The following ZNF605 variants were observed in gnomAD, a reference collection of about 807,000 sequenced individuals.
ZNF605 encodes zinc finger protein 605.
A neutral mutation model predicts 7.9 loss-of-function variants in ZNF605; 9 were observed. The observed-to-expected ratio is 1.14, with a 90% CI of 0.68 to 1.98. ZNF605 has a LOEUF of 1.98. Ranked by LOEUF, ZNF605 falls within the 30% of genes most tolerant of loss-of-function variation. ZNF605 has a pLI of 0.00. For synonymous variants in ZNF605, 255 were observed against 260.1 expected (o/e 0.98, Z 0.19); for missense variants, 673 against 762.4 (o/e 0.88, Z 1.38).
chr12:132,932,881 A>T (rs1213368327), intron 4 of ZNF605, 154 bp downstream of exon 4: 23 of 1,368,780 alleles, frequency 1.7e-5, no homozygotes, highest in Non-Finnish European at 2.2e-5. Context: ...ATGTTTTATT[A>T]TAAAGGCTGC....
At chr12:132,938,991 G>A (rs1326541867) in intron 3 of ZNF605, among the ~76,000 whole-genome samples, 5 of 151,636 alleles carry the variant, frequency 3.3e-5, no homozygotes, top group South Asian at 2.1e-4. Flanking sequence ...GCCTCCCCGC[G>A]GGGCAGGGCT....
intron 3 of ZNF605, among the ~76,000 whole-genome samples, chr12:132,940,638 C>T (rs925840529): frequency 2.0e-5 from 3 of 152,132 alleles, no homozygotes; most frequent in African/African-American, 7.2e-5. Flanking sequence ...TGAATCCACC[C>T]GACTCAGGCT....
Position 132,933,108 on chromosome 12 carries a change from C to T in ZNF605, c.63G>A (p.Gln21=), listed in dbSNP as rs1952323407. 6.2e-7 allele frequency: 1 copy of T among 1,611,700 alleles called. No individual in the cohort carries two copies. Among genetic ancestry groups the T allele is most frequent in the Non-Finnish European group, 8.5e-7 (1 of 1,178,456 alleles). Residue 21 remains glutamine, a synonymous_variant, in exon 4 of 5, where the codon CAG becomes CAA. Coordinates refer to ENST00000360187, the MANE Select transcript of ZNF605 (RefSeq NM_183238.4). This position sits in a 1 kb window ranked among gnomAD's most constrained non-coding sequence, Gnocchi z 4.4. ...VAVDFTLEEW[Q]LLNPTQKNLY... is the part of the protein sequence containing the mutation. ...AGTTCTTCTGAGTAGGATTAAGTAGCTGCCATTCCTCCAGCGTGAAATCCA... is the reference window on the plus strand; with the variant it reads ...AGTTCTTCTGAGTAGGATTAAGTAGTTGCCATTCCTCCAGCGTGAAATCCA...
At chr12:132,946,473 C>T (rs1007917284) in intron 2 of ZNF605, among the ~76,000 whole-genome samples, 6 of 152,226 alleles carry the variant, frequency 3.9e-5, no homozygotes, top group Non-Finnish European at 7.3e-5. Flanking sequence ...AGACACAAGG[C>T]AGGGAATGTC....
At chr12:132,947,337 G>T (rs1047559372) in intron 2 of ZNF605, among the ~76,000 whole-genome samples, 43 of 148,272 alleles carry the variant, frequency 2.9e-4, no homozygotes, top group Non-Finnish European at 2.8e-4. Context: ...TTGAGACAGG[G>T]TCTTGCTCTG....
intron 1 of ZNF605, among the ~76,000 whole-genome samples, chr12:132,950,477 GCA>G (rs1299535986): frequency 7.3e-5 from 11 of 150,148 alleles, no homozygotes; most frequent in African/African-American, 2.7e-4. Flanking sequence ...ACACAGACAT[GCA>G]CACACAGACG....
intron 1 of ZNF605, among the ~76,000 whole-genome samples, chr12:132,949,387 G>T (rs1367584470): frequency 6.6e-6 from 1 of 152,200 alleles, no homozygotes; most frequent in Admixed American, 6.6e-5. Flanking sequence ...CTGCTTCTTA[G>T]CTGTAAGTGA....
Position 132,933,065 on chromosome 12 carries a change from A to G in ZNF605, c.106T>C (p.Leu36=). 6.2e-7 allele frequency: 1 copy of G among 1,604,758 alleles called. No homozygotes were observed. The highest frequency in any genetic ancestry group is 8.5e-7 in the Non-Finnish European group (1 of 1,174,294). The stretch of plus-strand genomic sequence containing the variant: ...AAAACCAGATTGCTATAGTTCTCCA[A>G]CATCACATCTCTGTACAAGTTCTTC... ...TQKNLYRDVM[L]ENYSNLVFLE... is the part of the protein sequence containing the mutation. The change falls in exon 4 of 5, where the codon TTG becomes CTG. Residue 36 remains leucine (L), a synonymous_variant. Coordinates refer to ENST00000360187, the MANE Select transcript of ZNF605 (RefSeq NM_183238.4). The surrounding 1 kb of genome is among the most constrained non-coding windows in gnomAD (Gnocchi z 4.4).
At chr12:132,939,446 T>A (rs1216043506) in intron 3 of ZNF605, among the ~76,000 whole-genome samples, 54 of 152,180 alleles carry the variant, frequency 3.5e-4, no homozygotes, top group Non-Finnish European at 6.9e-4. Flanking sequence ...CAGCACCCTG[T>A]GTTTTGCTCA....
intron 1 of ZNF605, among the ~76,000 whole-genome samples, chr12:132,956,041 G>A (rs1178908361): frequency 2.5e-5 from 3 of 120,682 alleles, no homozygotes; most frequent in Non-Finnish European, 5.5e-5. Flanking sequence ...CGCCCCCAGA[G>A]CCCCCGCCTG....
At chr12:132,942,701 A>G (rs927854979) in intron 3 of ZNF605, among the ~76,000 whole-genome samples, 4 of 152,204 alleles carry the variant, frequency 2.6e-5, no homozygotes, top group Admixed American at 6.5e-5. Flanking sequence ...GACCTGTCTC[A>G]GCCTGGAAGA....
chr12:132,953,958 C>G (rs77787845), intron 1 of ZNF605, among the ~76,000 whole-genome samples: 1 of 152,038 alleles, frequency 6.6e-6, no homozygotes, highest in Non-Finnish European at 1.5e-5. Flanking sequence ...CTCTGGTACC[C>G]GGTCACTAAT....
chr12:132,939,748 TC>T (rs1172760050), intron 3 of ZNF605, among the ~76,000 whole-genome samples: 2 of 152,186 alleles, frequency 1.3e-5, no homozygotes, highest in Admixed American at 1.3e-4. Context: ...CTTTGTTCTT[TC>T]GCTCTTTGCA....
At chr12:132,943,945 A>T (rs1481341228) in intron 3 of ZNF605, among the ~76,000 whole-genome samples, 2 of 152,228 alleles carry the variant, frequency 1.3e-5, no homozygotes, top group East Asian at 3.8e-4. Context: ...AATGTTTACT[A>T]AACAGGCCCA....
At chr12:132,946,412 G>C (rs1952494652) in intron 2 of ZNF605, among the ~76,000 whole-genome samples, 1 of 152,206 alleles carries the variant, frequency 6.6e-6, no homozygotes, top group African/African-American at 2.4e-5. Context: ...GTCTGAGGCT[G>C]AGCAGGGCCT....
intron 1 of ZNF605, among the ~76,000 whole-genome samples, chr12:132,950,529 G>A (rs1323857272): frequency 1.3e-5 from 2 of 148,574 alleles, no homozygotes; most frequent in African/African-American, 2.5e-5. Flanking sequence ...ACACACAGAC[G>A]CACACACACT....
rs1952249844 is a variant in ZNF605, at chr12:132,926,567, C to G, written c.732G>C (p.Gln244His). ...ACGGCTTCTCTCCAGTATGAATTCT[C>G]TGATGTAAAATGAGGAGTGACTTCC... ...FSRKSLLILH[Q>H]RIHTGEKPYG... Residue 244 changes from glutamine (Q) to histidine (H), a missense_variant, in exon 5 of 5, where the codon CAG becomes CAC. Transcript: ENST00000360187. The G allele has an allele frequency of 1.2e-5, 19 of 1,614,046 alleles. No homozygotes were observed. The South Asian group carries it at 2.1e-4, about 18-fold the overall frequency.
intron 4 of ZNF605, chr12:132,932,708 C>T: frequency 6.6e-7 from 1 of 1,520,910 alleles, no homozygotes; most frequent in East Asian, 2.5e-5. Context: ...CTGATTATTC[C>T]TCACCTGAAA....
chr12:132,955,115 G>C (rs1952622526), intron 1 of ZNF605, among the ~76,000 whole-genome samples: 1 of 152,154 alleles, frequency 6.6e-6, no homozygotes, highest in Non-Finnish European at 1.5e-5. Flanking sequence ...AAAAAAAGAC[G>C]CGGAAGAGGG....
Sources: allele counts gnomAD v4.1 joint callset (sites outside exome capture counted in the v4.1 genomes callset), GRCh38; gene constraint gnomAD v4.1.1; non-coding constraint Gnocchi (gnomAD v3.1); transcripts MANE v1.5; gene names NCBI Gene and HGNC (gene_info 2026-07-23, HGNC 2026-07-21).